CFAP95: variants seen among roughly 807,000 people sequenced by gnomAD.
The protein encoded by CFAP95 is cilia and flagella associated protein 95, also known as cilia- and flagella-associated protein 95.
At chr9:69,845,666 T>C in the CFAP95 span, among the ~76,000 whole-genome samples, 164 of 152,248 alleles carry the variant, frequency 1.1e-3, no homozygotes, top group African/African-American at 3.5e-3. Context: ...TGGGGATTTA[T>C]CATAAAGTGA....
chr9:69,836,166 C>T, the CFAP95 span, among the ~76,000 whole-genome samples: 658 of 152,258 alleles, frequency 4.3e-3, 6 homozygotes, highest in African/African-American at 0.015. Flanking sequence ...TGAATGTTCT[C>T]GTCAAAACAA....
the CFAP95 span, among the ~76,000 whole-genome samples, chr9:69,896,667 G>T: frequency 2.0e-5 from 3 of 152,096 alleles, no homozygotes; most frequent in Non-Finnish European, 4.4e-5. Flanking sequence ...TATTTGTTTA[G>T]CTACATTTGC....
the CFAP95 span, among the ~76,000 whole-genome samples, chr9:69,874,810 T>G: frequency 6.6e-6 from 1 of 152,178 alleles, no homozygotes; most frequent in South Asian, 2.1e-4. Flanking sequence ...GGATGGGAGC[T>G]GTAAAGCAGA....
chr9:69,894,081 G>A, the CFAP95 span, among the ~76,000 whole-genome samples: 6 of 152,256 alleles, frequency 3.9e-5, no homozygotes, highest in South Asian at 8.3e-4. Flanking sequence ...TTTGACTTGG[G>A]TTCAAAAGGA....
At chr9:69,885,798 A>G in the CFAP95 span, among the ~76,000 whole-genome samples, 156 of 152,286 alleles carry the variant, frequency 1.0e-3, no homozygotes, top group Non-Finnish European at 1.7e-3. Context: ...TTGGTGGTAA[A>G]GAGAATCCTT....
At chr9:69,825,867 T>C in the CFAP95 span, among the ~76,000 whole-genome samples, 1 of 152,220 alleles carries the variant, frequency 6.6e-6, no homozygotes, top group Admixed American at 6.5e-5. Flanking sequence ...GGGATCTCCA[T>C]GGAGACAGTT....
the CFAP95 span, among the ~76,000 whole-genome samples, chr9:69,880,312 C>A: frequency 6.6e-6 from 1 of 152,184 alleles, no homozygotes; most frequent in Non-Finnish European, 1.5e-5. Context: ...CCCTGACTAT[C>A]CTTCCCATCC....
the CFAP95 span, among the ~76,000 whole-genome samples, chr9:69,826,388 G>C: frequency 6.6e-6 from 1 of 152,164 alleles, no homozygotes; most frequent in Non-Finnish European, 1.5e-5. Flanking sequence ...AGCATTTAGA[G>C]TTCCTCCTGT....
the CFAP95 span, among the ~76,000 whole-genome samples, chr9:69,838,428 T>C: frequency 6.6e-6 from 1 of 151,352 alleles, no homozygotes; most frequent in Non-Finnish European, 1.5e-5. Context: ...TTTGTAGTTC[T>C]CCTTGAAGAG....
chr9:69,859,990 C>A, the CFAP95 span, among the ~76,000 whole-genome samples: 2,414 of 152,088 alleles, frequency 0.016, 31 homozygotes, highest in South Asian at 0.048. Flanking sequence ...ATGCATGTAC[C>A]CTGCAAGACT....
the CFAP95 span, among the ~76,000 whole-genome samples, chr9:69,890,388 T>C: frequency 6.6e-6 from 1 of 152,256 alleles, no homozygotes; most frequent in Non-Finnish European, 1.5e-5. Flanking sequence ...TTACTTCTAA[T>C]GTCTTTTCCA....
At chr9:69,821,082 G>C in the CFAP95 span, 1 of 1,594,716 alleles carries the variant, frequency 6.3e-7, no homozygotes, top group South Asian at 1.1e-5. Flanking sequence ...AGGAAAGAGA[G>C]GGGAAAGGAT....
chr9:69,850,833 G>A, the CFAP95 span, among the ~76,000 whole-genome samples: 5 of 152,142 alleles, frequency 3.3e-5, no homozygotes, highest in African/African-American at 1.2e-4. Flanking sequence ...TTCTCTCCTG[G>A]AACAACTTTG....
chr9:69,867,308 T>C, the CFAP95 span, among the ~76,000 whole-genome samples: 1 of 152,234 alleles, frequency 6.6e-6, no homozygotes, highest in African/African-American at 2.4e-5. Flanking sequence ...TTTGGCATCC[T>C]GATGGGCTGA....
the CFAP95 span, among the ~76,000 whole-genome samples, chr9:69,881,703 T>C: frequency 6.6e-6 from 1 of 152,202 alleles, no homozygotes; most frequent in Non-Finnish European, 1.5e-5. Context: ...CCATAAAAGA[T>C]GTCATTGGTA....
At chr9:69,842,984 G>A in the CFAP95 span, among the ~76,000 whole-genome samples, 1 of 152,190 alleles carries the variant, frequency 6.6e-6, no homozygotes, top group Non-Finnish European at 1.5e-5. Flanking sequence ...TCCAGTGGGG[G>A]TGGGGAAGGA....
chr9:69,901,338 C>T, the CFAP95 span, among the ~76,000 whole-genome samples: 3 of 152,128 alleles, frequency 2.0e-5, no homozygotes, highest in Non-Finnish European at 4.4e-5. Context: ...GGGGTTTCAC[C>T]GTGTTAGCTA....
At chr9:69,871,192 T>C in the CFAP95 span, among the ~76,000 whole-genome samples, 1 of 151,946 alleles carries the variant, frequency 6.6e-6, no homozygotes, top group Non-Finnish European at 1.5e-5. Flanking sequence ...CATTCCAGCC[T>C]GGGGGACAGA....
chr9:69,886,269 C>T, the CFAP95 span, among the ~76,000 whole-genome samples: 32 of 152,112 alleles, frequency 2.1e-4, no homozygotes, highest in South Asian at 5.8e-3. Context: ...ATGCTAAAGA[C>T]GAGCTGTCAA....
Sources: gnomAD v4.1 joint callset for allele counts (sites outside exome capture counted in the v4.1 genomes callset) on GRCh38, gnomAD v4.1.1 for gene constraint, MANE v1.5 for transcripts, NCBI Gene and HGNC (gene_info 2026-07-23, HGNC 2026-07-21) for gene names.